The following STAT4 variants were observed in gnomAD, a reference collection of about 807,000 sequenced individuals.
STAT4 encodes signal transducer and activator of transcription 4.
A neutral mutation model predicts 110.5 loss-of-function variants in STAT4; 42 were observed. The ratio of observed to expected loss-of-function variants is 0.38; its 90% CI spans 0.30 to 0.49. STAT4 has a LOEUF of 0.49. Ranked by LOEUF, STAT4 falls within the 20% of genes least tolerant of loss-of-function variation. The pLI is 0.95. For synonymous variants in STAT4, 284 were observed against 302.2 expected, an observed-to-expected ratio of 0.94 and a Z score of 0.63; for missense variants, 632 against 887.9, an observed-to-expected ratio of 0.71 and a Z score of 3.66.
intron 6 of STAT4, 43 bp downstream of exon 6, chr2:191,069,650 C>A: frequency 6.7e-7 from 1 of 1,487,534 alleles, no homozygotes; most frequent in South Asian, 1.2e-5. Context: ...CTCAAGATGC[C>A]TTTTTGTCTC....
chr2:191,141,570 GAT>G (rs1189908036), intron 3 of STAT4, among the ~76,000 whole-genome samples: 1 of 140,998 alleles, frequency 7.1e-6, no homozygotes, highest in African/African-American at 2.6e-5. Context: ...TACCATATAT[GAT>G]ATATATACAT....
In STAT4 at chr2:191,110,052, A is replaced by G. The variant is rs1574164212; in HGVS notation, c.274-33727T>C. ...TTTCCAATATGAGTTGTCACCTCCCACCTAGGATCCAACCACTGCACCTTC... is the reference window on the plus strand; with the variant it reads ...TTTCCAATATGAGTTGTCACCTCCCGCCTAGGATCCAACCACTGCACCTTC... On this transcript the variant is annotated intron_variant, in intron 3 of 23. Coordinates refer to ENST00000392320, the MANE Select transcript of STAT4 (RefSeq NM_003151.4). This position sits in a 1 kb window ranked among gnomAD's most constrained non-coding sequence, Gnocchi z 4.5. Among the ~76,000 whole-genome samples the G allele has an allele frequency of 6.6e-6, 1 of 152,044 alleles. No individual in the cohort carries two copies. Among genetic ancestry groups the G allele is most frequent in the Non-Finnish European group, 1.5e-5 (1 of 67,986 alleles).
chr2:191,049,751 T>C (rs1019796042), intron 14 of STAT4, among the ~76,000 whole-genome samples: 1 of 152,204 alleles, frequency 6.6e-6, no homozygotes, highest in Non-Finnish European at 1.5e-5. Context: ...ACATGAGAGA[T>C]AGCCTTTAAT....
rs1473982966 is a variant in STAT4 at position 191,077,257 on chromosome 2, T to C, written c.274-932A>G. On this transcript the variant is annotated intron_variant, in intron 3 of 23. Coordinates refer to ENST00000392320, the MANE Select transcript of STAT4 (RefSeq NM_003151.4). The surrounding 1 kb of genome is among the most constrained non-coding windows in gnomAD (Gnocchi z 4.1). ...GAATCCCTTTGGAGAAAGTATGTAC[T>C]ACCCAGGGTTGACACAGTGCCTACC... 6.6e-5 allele frequency among the ~76,000 whole-genome samples: 10 copies of C among 152,342 alleles called. No homozygotes were observed. The South Asian group carries it at 2.1e-3, about 32-fold the overall frequency.
chr2:191,142,607 T>C lies in STAT4; in HGVS notation c.273+4006A>G, dbSNP rs138119981. Among the ~76,000 whole-genome samples, 520 of 152,310 alleles carry C rather than the reference T, an allele frequency of 3.4e-3. No homozygotes were observed. Among genetic ancestry groups the C allele is most frequent in the African/African-American group, 0.012 (491 of 41,574 alleles). ...TTTCAGAGTAGCTAGAAGAATGGGT[T>C]TGAAATGTTTCCAACATAGAAATGA... is the stretch of plus-strand genomic sequence containing the variant. On this transcript the variant is annotated intron_variant, in intron 3 of 23. Coordinates refer to ENST00000392320, the MANE Select transcript of STAT4 (RefSeq NM_003151.4). The surrounding 1 kb of genome is among the most constrained non-coding windows in gnomAD (Gnocchi z 4.1).
chr2:191,121,194 G>T (rs1698716859), intron 3 of STAT4, among the ~76,000 whole-genome samples: 1 of 152,240 alleles, frequency 6.6e-6, no homozygotes, highest in Admixed American at 6.5e-5. Flanking sequence ...CTGGCCATCA[G>T]AGAAATGTAA....
chr2:191,034,600 G>A lies in STAT4; in HGVS notation c.1571-3C>T, dbSNP rs545292550. On this transcript the variant is annotated splice_region_variant and splice_polypyrimidine_tract_variant and intron_variant, in intron 17 of 23. Transcript: ENST00000392320. ...ACCATCACTGTAGCTAGATTGGACT[G>A]AAATGAAAGAAAAGAATGAAATTTT... 6.2e-6 allele frequency: 10 copies of A among 1,610,934 alleles called. No homozygotes were observed. The highest frequency in any genetic ancestry group is 8.5e-6 in the Non-Finnish European group (10 of 1,177,232).
intron 3 of STAT4, chr2:191,131,511 CCT>C (rs937289655): frequency 9.4e-6 from 2 of 211,916 alleles, no homozygotes; most frequent in African/African-American, 4.6e-5. Flanking sequence ...AGCTTTCAAA[CCT>C]AGACACTTTA....
At chr2:191,105,326 T>C (rs1441760690) in intron 3 of STAT4, among the ~76,000 whole-genome samples, 2 of 152,196 alleles carry the variant, frequency 1.3e-5, no homozygotes, top group Non-Finnish European at 2.9e-5. Flanking sequence ...TGGTTTCTCA[T>C]TTCAAAATAA....
Position 191,090,992 on chromosome 2 carries a change from T to A in STAT4, c.274-14667A>T, listed in dbSNP as rs1697783478. Among the ~76,000 whole-genome samples the A allele has an allele frequency of 6.6e-6, 1 of 152,190 alleles. No homozygotes were observed. The highest frequency in any genetic ancestry group is 2.4e-5 in the African/African-American group (1 of 41,450). ...ACGAAGACTTAACCCTTCTAGACAA[T>A]CACTCTGAAAAGCAGCTGGAGAGCC... On this transcript the variant is annotated intron_variant, in intron 3 of 23. Coordinates refer to ENST00000392320, the MANE Select transcript of STAT4 (RefSeq NM_003151.4). This position sits in a 1 kb window ranked among gnomAD's most constrained non-coding sequence, Gnocchi z 4.2.
Position 191,029,866 on chromosome 2 carries a change from T to A in STAT4, c.2221A>T (p.Met741Leu). The A allele has an allele frequency of 6.3e-7, 1 of 1,593,136 alleles. No individual in the cohort carries two copies. Among genetic ancestry groups the A allele is most frequent in the Non-Finnish European group, 8.5e-7 (1 of 1,172,004 alleles). ...CATTCAGCAGAATAAGGAGACTTCA[T>A]CTAAAATTAAAAATGAAAATAATCT... is the stretch of plus-strand genomic sequence containing the variant. ...NLSPTTIETAMKSPYSAE is the reference protein window; with the variant it reads ...NLSPTTIETALKSPYSAE Residue 741 changes from methionine to leucine, a missense_variant and splice_region_variant, in exon 24 of 24, where the codon ATG becomes TTG. Met to Leu is a conservative substitution (Grantham distance 15). This residue lies in a region of STAT4 where 32 missense variants were observed against 67.6 expected (regional missense o/e 0.47). Coordinates refer to ENST00000392320, the MANE Select transcript of STAT4 (RefSeq NM_003151.4). This position sits in a 1 kb window ranked among gnomAD's most constrained non-coding sequence, Gnocchi z 4.5.
At chr2:191,054,447 G>A in intron 14 of STAT4, 43 bp downstream of exon 14, 1 of 1,508,512 alleles carries the variant, frequency 6.6e-7, no homozygotes, top group Non-Finnish European at 9.1e-7. Context: ...GATATTATAA[G>A]ATCTGTTTCC....
At position 191,123,325 on chromosome 2, in the gene STAT4, C is replaced by T. The variant is rs566081209; in HGVS notation, c.273+23288G>A. ...CCCGCTCCCTAGGTGAAGGCTAGTTCTAGGTGTGTCTTGGACTCCCTTTCA... is the reference window on the plus strand; with the variant it reads ...CCCGCTCCCTAGGTGAAGGCTAGTTTTAGGTGTGTCTTGGACTCCCTTTCA... On this transcript the variant is annotated intron_variant, in intron 3 of 23. Transcript: ENST00000392320. Among the ~76,000 whole-genome samples the T allele has an allele frequency of 2.6e-5, 4 of 152,306 alleles. No individual in the cohort carries two copies. In the East Asian group the frequency reaches 5.8e-4, roughly 22 times the overall value.
Position 191,033,703 on chromosome 2 carries a change from T to C in STAT4, c.1716-77A>G. The C allele has an allele frequency of 6.4e-7, 1 of 1,554,840 alleles. No individual in the cohort carries two copies. The highest frequency in any genetic ancestry group is 8.7e-7 in the Non-Finnish European group (1 of 1,152,046). On this transcript the variant is annotated intron_variant, in intron 19 of 23. Transcript: ENST00000392320. This position sits in a 1 kb window ranked among gnomAD's most constrained non-coding sequence, Gnocchi z 6.9. ...ATTGCATTTACAAAGACCTACAGTTTGTTTTGAGTGTAATCAAAAGTCATT... is the reference window on the plus strand; with the variant it reads ...ATTGCATTTACAAAGACCTACAGTTCGTTTTGAGTGTAATCAAAAGTCATT...
Position 191,031,594 on chromosome 2 carries a change from A to G in STAT4, c.2045-78T>C. ...AAAACTGGGGAAAAAAGAGTCTAGA[A>G]AAATATTAACAATGATAAGAGGAAG... On this transcript the variant is annotated intron_variant, in intron 21 of 23. Coordinates refer to ENST00000392320, the MANE Select transcript of STAT4 (RefSeq NM_003151.4). The surrounding 1 kb of genome is among the most constrained non-coding windows in gnomAD (Gnocchi z 4.8). 8.4e-7 allele frequency: 1 copy of G among 1,183,952 alleles called. No individual in the cohort carries two copies. Among genetic ancestry groups the G allele is most frequent in the Non-Finnish European group, 1.2e-6 (1 of 813,084 alleles). 73.3% of individuals were successfully genotyped at this position (1,183,952 alleles called of 1,614,324 possible). A position where few individuals can be genotyped will look rare whatever the true frequency, so the allele number is the denominator to read the frequency against.
chr2:191,097,499 G>A (rs1698025750), intron 3 of STAT4, among the ~76,000 whole-genome samples: 1 of 152,094 alleles, frequency 6.6e-6, no homozygotes. Flanking sequence ...TGACAAACCT[G>A]AGAAAAACAA....
At chr2:191,136,005 G>GGAAAAAAA (rs1699169716) in intron 3 of STAT4, among the ~76,000 whole-genome samples, 1 of 79,784 alleles carries the variant, frequency 1.3e-5, no homozygotes, top group Non-Finnish European at 2.4e-5. Flanking sequence ...CAGCATCTCA[G>GGAAAAAAA]AAAAAAAAAA....
At chr2:191,054,216 G>A (rs898136723) in intron 14 of STAT4, among the ~76,000 whole-genome samples, 20 of 132,238 alleles carry the variant, frequency 1.5e-4, no homozygotes, top group African/African-American at 5.4e-4. Context: ...TATTTTTAAA[G>A]TAATATATAG....
Position 191,058,215 on chromosome 2 carries a change from C to G in STAT4, c.1099G>C (p.Val367Leu), listed in dbSNP as rs777972042. 6.2e-7 allele frequency: 1 copy of G among 1,613,506 alleles called. No homozygotes were observed. Among genetic ancestry groups the G allele is most frequent in the Non-Finnish European group, 8.5e-7 (1 of 1,179,700 alleles). Reference protein sequence around the residue: ...VKVKASIDKNVSTLSNRRFVL... With the variant: ...VKVKASIDKNLSTLSNRRFVL... Reference sequence around the variant, plus strand: ...TAAATGTCTTACCTTAGAGTTGAAACATTCCTGTAAAACCAAGAAGATTCT... The same window carrying G: ...TAAATGTCTTACCTTAGAGTTGAAAGATTCCTGTAAAACCAAGAAGATTCT... Residue 367 changes from valine (V) to leucine (L), a missense_variant, in exon 12 of 24, where the codon GTT (valine) becomes CTT (leucine). Val to Leu is a conservative substitution (Grantham distance 32). Coordinates refer to ENST00000392320, the MANE Select transcript of STAT4 (RefSeq NM_003151.4). This position sits in a 1 kb window ranked among gnomAD's most constrained non-coding sequence, Gnocchi z 4.3.
Sources: allele counts gnomAD v4.1 joint callset (sites outside exome capture counted in the v4.1 genomes callset), GRCh38; gene constraint gnomAD v4.1.1; regional missense constraint gnomAD v4.1.1; non-coding constraint Gnocchi (gnomAD v3.1); transcripts MANE v1.5; gene names NCBI Gene and HGNC (gene_info 2026-07-23, HGNC 2026-07-21).